The following BRWD3 variants were observed in gnomAD, a reference collection of about 807,000 sequenced individuals.
BRWD3 encodes the protein bromodomain and WD repeat-containing protein 3.
A neutral mutation model predicts 149.7 loss-of-function variants in BRWD3; 10 were observed. The observed-to-expected ratio is 0.07, with a 90% confidence interval of 0.04 to 0.11. The LOEUF (loss-of-function observed/expected upper bound fraction) is 0.11. BRWD3 is among the 10% of genes least tolerant of loss of function. The pLI is 1.00. For synonymous variants in BRWD3, 504 were observed against 456.7 expected (o/e 1.10, Z -1.32); for missense variants, 940 against 1,373.2 (o/e 0.68, Z 4.99).
chrX:80,786,288 A>T (rs996173025), intron 6 of BRWD3, among the ~76,000 whole-genome samples: 7 of 111,565 alleles, frequency 6.3e-5, no homozygotes, highest in Admixed American at 9.6e-5. Flanking sequence ...AATACCAGTT[A>T]AAATATGCCC....
At chrX:80,696,919 T>C (rs1206433750) in intron 25 of BRWD3, 56 bp from the exon 26 acceptor site, 1 of 1,034,438 alleles carries the variant, frequency 9.7e-7, no homozygotes, top group East Asian at 3.3e-5. Context: ...TTAACATTTG[T>C]ATAATATTTC....
intron 20 of BRWD3, among the ~76,000 whole-genome samples, chrX:80,713,160 C>T (rs1195227416): frequency 1.8e-5 from 2 of 110,482 alleles, no homozygotes; most frequent in Non-Finnish European, 3.8e-5. Flanking sequence ...AGGAGCCCCT[C>T]TGCCCGGCCA....
intron 22 of BRWD3, among the ~76,000 whole-genome samples, chrX:80,706,755 C>G (rs911033047): frequency 8.9e-6 from 1 of 112,744 alleles, no homozygotes; most frequent in Non-Finnish European, 1.9e-5. Flanking sequence ...ATAAACTGAG[C>G]AAACTGGTGT....
intron 5 of BRWD3, among the ~76,000 whole-genome samples, chrX:80,792,452 A>C (rs751311063): frequency 8.9e-6 from 1 of 112,290 alleles, no homozygotes; most frequent in Non-Finnish European, 1.9e-5. Context: ...CTGGTTATAA[A>C]TAGCTGTGTT....
chrX:80,737,587 C>T (rs770186970), intron 8 of BRWD3, among the ~76,000 whole-genome samples: 13 of 112,025 alleles, frequency 1.2e-4, no homozygotes, highest in Admixed American at 2.8e-4. Flanking sequence ...GTAATCTCAG[C>T]ACTTTGGGAG....
chrX:80,712,906 C>T (rs781440559), intron 20 of BRWD3, among the ~76,000 whole-genome samples: 11 of 94,976 alleles, frequency 1.2e-4, no homozygotes, highest in Admixed American at 5.5e-4. Context: ...GGAGCCCCTC[C>T]GCCCGGCAGC....
intron 6 of BRWD3, among the ~76,000 whole-genome samples, chrX:80,770,654 G>A (rs1293464462): frequency 1.8e-5 from 2 of 111,760 alleles, no homozygotes; most frequent in African/African-American, 3.3e-5. Flanking sequence ...CATACTGAAT[G>A]GGCAAAAACT....
At chrX:80,710,667 G>A in intron 20 of BRWD3, 1 of 818,554 alleles carries the variant, frequency 1.2e-6, no homozygotes, top group Middle Eastern at 4.1e-4. Context: ...TCAACCTGCT[G>A]ATTAACCAGC....
At position 80,716,109 on chromosome X, in the gene BRWD3, A is replaced by G. The variant is rs376899514; in HGVS notation, c.2325+48T>C. ...TGCCTCTCAAAAGCCTATTATCTAC[A>G]AATATCTGCAAATAGTGTATCCCAA... On this transcript the variant is annotated intron_variant, in intron 20 of 40. Coordinates refer to ENST00000373275, the MANE Select transcript of BRWD3 (RefSeq NM_153252.5). The G allele has an allele frequency of 2.4e-5, 25 of 1,031,455 alleles. No homozygotes were observed. The East Asian group carries it at 3.7e-4, about 15-fold the overall frequency. 85.0% of individuals were successfully genotyped at this position (1,031,455 alleles called of 1,213,427 possible).
At chrX:80,788,799 G>A (rs916644119) in intron 6 of BRWD3, among the ~76,000 whole-genome samples, 3 of 111,835 alleles carry the variant, frequency 2.7e-5, no homozygotes, top group Non-Finnish European at 3.8e-5. Context: ...GAAATGACAC[G>A]CATGAATTTC....
intron 26 of BRWD3, among the ~76,000 whole-genome samples, 164 bp downstream of exon 26, chrX:80,696,575 A>T (rs1442799050): frequency 2.8e-5 from 3 of 108,843 alleles, no homozygotes; most frequent in African/African-American, 1.0e-4. Context: ...AATATAAATA[A>T]AACGGAGAAA....
intron 6 of BRWD3, among the ~76,000 whole-genome samples, chrX:80,756,948 T>C (rs1425090924): frequency 1.8e-5 from 2 of 111,870 alleles, no homozygotes; most frequent in East Asian, 5.6e-4. Flanking sequence ...ATTATAAGCA[T>C]GATGCAAGTC....
At chrX:80,781,303 C>T (rs753238633) in intron 6 of BRWD3, among the ~76,000 whole-genome samples, 16 of 111,055 alleles carry the variant, frequency 1.4e-4, no homozygotes, top group African/African-American at 5.2e-4. Flanking sequence ...TGCTCTCAGG[C>T]GATAGATGAG....
intron 19 of BRWD3, among the ~76,000 whole-genome samples, chrX:80,716,619 G>A (rs763336751): frequency 7.1e-5 from 8 of 112,048 alleles, no homozygotes; most frequent in Non-Finnish European, 1.1e-4. Flanking sequence ...TGCTTAGCAT[G>A]TTTATCCACG....
At chrX:80,735,056 T>C (rs1030009348) in intron 10 of BRWD3, 71 bp downstream of exon 10, 2 of 944,523 alleles carry the variant, frequency 2.1e-6, no homozygotes, top group African/African-American at 3.9e-5. Flanking sequence ...ATCTTTTTTC[T>C]TCATAAATCA....
rs185997059 is a variant in BRWD3 at position 80,738,019 on chromosome X, T to C, written c.814-1931A>G. On this transcript the variant is annotated intron_variant, in intron 8 of 40. Coordinates refer to ENST00000373275, the MANE Select transcript of BRWD3 (RefSeq NM_153252.5). ...CTGAGCAGTTGTGACAGAGATTGTA[T>C]GACATGCTAAGCCTAAATATTTACT... Among the ~76,000 whole-genome samples the C allele has an allele frequency of 2.4e-3, 271 of 112,696 alleles. 1 individual carries two copies. Among genetic ancestry groups the C allele is most frequent in the South Asian group, 6.5e-3 (18 of 2,750 alleles).
intron 25 of BRWD3, among the ~76,000 whole-genome samples, chrX:80,698,063 T>C (rs1171309714): frequency 8.9e-6 from 1 of 112,240 alleles, no homozygotes; most frequent in Non-Finnish European, 1.9e-5. Flanking sequence ...TGATTAGTGA[T>C]GTTTTAGCAT....
chrX:80,745,328 A>C (rs886650417), intron 7 of BRWD3, among the ~76,000 whole-genome samples: 11 of 111,901 alleles, frequency 9.8e-5, no homozygotes, highest in African/African-American at 3.6e-4. Flanking sequence ...CACTTCTAGA[A>C]TATAAGGTCT....
At chrX:80,717,781 T>A (rs1370781533) in intron 18 of BRWD3, 22 bp from the exon 19 acceptor site, 1 of 1,197,888 alleles carries the variant, frequency 8.3e-7, no homozygotes, top group Non-Finnish European at 1.1e-6. Context: ...ACAAGGAAAA[T>A]TATCACTTTG....
Sources: gnomAD v4.1 joint callset for allele counts (sites outside exome capture counted in the v4.1 genomes callset) on GRCh38, gnomAD v4.1.1 for gene constraint, MANE v1.5 for transcripts, NCBI Gene and HGNC (gene_info 2026-07-23, HGNC 2026-07-21) for gene names.